Variants in KCNT1 observed in about 807,000 individuals in gnomAD.
The protein encoded by KCNT1 is potassium channel subfamily T member 1.
In KCNT1, 78 loss-of-function variants were observed where a neutral mutation model predicts 147.8. The ratio of observed to expected loss-of-function variants is 0.53; its 90% CI spans 0.44 to 0.64. The LOEUF is 0.64. Ranked by LOEUF, KCNT1 falls within the 30% of genes least tolerant of loss-of-function variation. KCNT1 has a pLI of 0.00. For missense variants in KCNT1, 1,419 were observed against 1,750.3 expected, an observed-to-expected ratio of 0.81 and a Z score of 3.38; for synonymous variants, 867 against 748.8, an observed-to-expected ratio of 1.16 and a Z score of -2.58.
intron 11 of KCNT1, among the ~76,000 whole-genome samples, chr9:135,764,029 G>A (rs1320668510): frequency 6.6e-6 from 1 of 152,226 alleles, no homozygotes; most frequent in Non-Finnish European, 1.5e-5. Flanking sequence ...TGTGTGGCAA[G>A]GCAGTGGAGC....
intron 1 of KCNT1, among the ~76,000 whole-genome samples, chr9:135,707,792 C>T (rs1252148825): frequency 6.6e-6 from 1 of 152,194 alleles, no homozygotes; most frequent in African/African-American, 2.4e-5. Flanking sequence ...TGGCCTTCCC[C>T]TCTTCCCGCC....
Position 135,702,368 on chromosome 9 carries a change from G to A in KCNT1, c.110G>A (p.Arg37Lys). 2 of 1,609,522 alleles carry A rather than the reference G, an allele frequency of 1.2e-6. No individual in the cohort carries two copies. The highest frequency in any genetic ancestry group is 1.7e-6 in the Non-Finnish European group (2 of 1,177,540). ...FEFDDGQCAP[R>K]RPCAGDGALL... ...TTTGACGACGGCCAATGCGCCCCCAGGTACAGTCTGCTGCGCCCTCCCCAC... is the reference window on the plus strand; with the variant it reads ...TTTGACGACGGCCAATGCGCCCCCAAGTACAGTCTGCTGCGCCCTCCCCAC... The change falls in exon 1 of 31, where the codon AGG becomes AAG. Residue 37 changes from arginine (R) to lysine (K), a missense_variant and splice_region_variant. Arg to Lys is a conservative substitution (Grantham distance 26). Coordinates refer to ENST00000371757, the MANE Select transcript of KCNT1 (RefSeq NM_020822.3).
Position 135,778,509 on chromosome 9 carries a change from G to A in KCNT1, c.2594+14G>A, listed in dbSNP as rs750707802. 28 of 1,588,774 alleles carry A rather than the reference G, an allele frequency of 1.8e-5. 1 individual carries two copies. Among genetic ancestry groups the A allele is most frequent in the South Asian group, 1.5e-4 (13 of 88,446 alleles). On this transcript the variant is annotated intron_variant, in intron 22 of 30. Coordinates refer to ENST00000371757, the MANE Select transcript of KCNT1 (RefSeq NM_020822.3). ...CTCTGTGGACAAGTAAGGCGTGGCC[G>A]GCCGAGGCTCGTGGGGGCTCCACAC...
intron 19 of KCNT1, among the ~76,000 whole-genome samples, chr9:135,773,967 C>G (rs1832929928): frequency 1.3e-5 from 2 of 151,396 alleles, no homozygotes; most frequent in Admixed American, 1.3e-4. Flanking sequence ...AAAGCCTGGT[C>G]TAGGCTGTGG....
intron 4 of KCNT1, among the ~76,000 whole-genome samples, chr9:135,753,207 G>A (rs571558943): frequency 6.6e-6 from 1 of 152,288 alleles, no homozygotes; most frequent in Admixed American, 6.5e-5. Context: ...TACTTCTGTG[G>A]GCACTTAGTT....
intron 11 of KCNT1, among the ~76,000 whole-genome samples, chr9:135,761,435 G>C (rs539094036): frequency 7.2e-4 from 110 of 152,308 alleles, no homozygotes; most frequent in African/African-American, 2.5e-3. Flanking sequence ...GTGAGGCCAG[G>C]AGCACAGTGT....
chr9:135,719,226 A>G (rs2131338104), intron 2 of KCNT1, among the ~76,000 whole-genome samples: 1 of 152,274 alleles, frequency 6.6e-6, no homozygotes, highest in South Asian at 2.1e-4. Context: ...CCCTTGGAGG[A>G]CACAGACTTG....
In KCNT1 at chr9:135,737,461, G is replaced by A. The variant is rs570222112; in HGVS notation, c.255-12637G>A. 8.5e-5 allele frequency among the ~76,000 whole-genome samples: 13 copies of A among 152,262 alleles called. No homozygotes were observed. The South Asian group carries it at 2.5e-3, about 29-fold the overall frequency. On this transcript the variant is annotated intron_variant, in intron 2 of 30. Transcript: ENST00000371757. Reference sequence around the variant, plus strand: ...CAGCACCTTTCCCGTGCCAGGAGCCGTTCTAGATGCTGCGGGGGAAATGAG... The same window carrying A: ...CAGCACCTTTCCCGTGCCAGGAGCCATTCTAGATGCTGCGGGGGAAATGAG...
At chr9:135,774,981 C>T (rs1243644058) in intron 19 of KCNT1, among the ~76,000 whole-genome samples, 2 of 152,150 alleles carry the variant, frequency 1.3e-5, no homozygotes, top group Admixed American at 6.5e-5. Flanking sequence ...GCTGCTGACC[C>T]GCCAGGCAGG....
At chr9:135,732,578 T>G (rs1830143751) in intron 2 of KCNT1, among the ~76,000 whole-genome samples, 1 of 152,158 alleles carries the variant, frequency 6.6e-6, no homozygotes, top group South Asian at 2.1e-4. Flanking sequence ...GGTCTCCCCC[T>G]CTGCCACTGG....
At chr9:135,787,750 CCA>C (rs1301033646) in intron 29 of KCNT1, among the ~76,000 whole-genome samples, 1 of 152,234 alleles carries the variant, frequency 6.6e-6, no homozygotes, top group East Asian at 1.9e-4. Flanking sequence ...CCCTCCATCC[CCA>C]CAGTGTCCCT....
intron 2 of KCNT1, among the ~76,000 whole-genome samples, chr9:135,732,035 GA>G (rs1564328376): frequency 2.1e-5 from 3 of 141,640 alleles, no homozygotes; most frequent in African/African-American, 5.2e-5. Flanking sequence ...GAGAGAGAGA[GA>G]GAGAGGGAGT....
chr9:135,717,412 G>T (rs183914500), intron 2 of KCNT1, among the ~76,000 whole-genome samples: 1 of 152,238 alleles, frequency 6.6e-6, no homozygotes, highest in Admixed American at 6.5e-5. Context: ...TGGTGGAGAT[G>T]GTGGCCTTGG....
rs576149390 is a variant in KCNT1, at chr9:135,765,611, G to A, written c.1201-13G>A. 72 of 1,602,424 alleles carry A rather than the reference G, an allele frequency of 4.5e-5. 1 individual carries two copies. In the East Asian group the frequency reaches 6.7e-4, roughly 15 times the overall value. ...GCTGGCTCAGAGGGTCTGACCCTCC[G>A]CCTGGCCGGCAGGACTATTACGTGG... On this transcript the variant is annotated splice_polypyrimidine_tract_variant and intron_variant, in intron 12 of 30. Coordinates refer to ENST00000371757, the MANE Select transcript of KCNT1 (RefSeq NM_020822.3).
chr9:135,761,824 C>T (rs1410530958), intron 11 of KCNT1, among the ~76,000 whole-genome samples: 1 of 152,200 alleles, frequency 6.6e-6, no homozygotes, highest in Non-Finnish European at 1.5e-5. Context: ...AATGCGTCCC[C>T]CTTTCCCCTG....
At chr9:135,735,140 C>G (rs1564330810) in intron 2 of KCNT1, among the ~76,000 whole-genome samples, 1 of 152,204 alleles carries the variant, frequency 6.6e-6, no homozygotes, top group Non-Finnish European at 1.5e-5. Flanking sequence ...GCGCTCTCCC[C>G]TGGGGTAGAC....
intron 2 of KCNT1, chr9:135,736,931 C>T (rs937921371): frequency 3.7e-5 from 11 of 297,500 alleles, no homozygotes; most frequent in African/African-American, 2.0e-4. Flanking sequence ...CACCACAGCG[C>T]CCTGCTTCCT....
At chr9:135,747,650 G>A (rs1017605174) in intron 2 of KCNT1, among the ~76,000 whole-genome samples, 6 of 152,168 alleles carry the variant, frequency 3.9e-5, no homozygotes, top group Non-Finnish European at 5.9e-5. Flanking sequence ...GAGGAGAGGC[G>A]TGGGGCAGGA....
In KCNT1 at chr9:135,784,173, C is replaced by T. The variant is rs376200772; in HGVS notation, c.2943+48C>T. 163 of 1,400,124 alleles carry T rather than the reference C, an allele frequency of 1.2e-4. No homozygotes were observed. In the African/African-American group the frequency reaches 1.9e-3, roughly 16 times the overall value. 86.7% of individuals were successfully genotyped at this position (1,400,124 alleles called of 1,614,324 possible). A position where few individuals can be genotyped will look rare whatever the true frequency, so the allele number is the denominator to read the frequency against. On this transcript the variant is annotated intron_variant, in intron 25 of 30. Coordinates refer to ENST00000371757, the MANE Select transcript of KCNT1 (RefSeq NM_020822.3). ...GAGGGTGGCGCCTGGGTGGGACCCC[C>T]GTCATGCCCTCAGCTCTTCAGCCTG... is the stretch of plus-strand genomic sequence containing the variant.
Sources: gnomAD v4.1 joint callset for allele counts (sites outside exome capture counted in the v4.1 genomes callset) on GRCh38, gnomAD v4.1.1 for gene constraint, MANE v1.5 for transcripts, NCBI Gene and HGNC (gene_info 2026-07-23, HGNC 2026-07-21) for gene names.